GIGYF2: variants seen among roughly 807,000 people sequenced by gnomAD.
The protein encoded by GIGYF2 is GRB10-interacting GYF protein 2.
A neutral mutation model predicts 208.1 loss-of-function variants in GIGYF2; 25 were observed. The ratio of observed to expected loss-of-function variants is 0.12; its 90% confidence interval spans 0.09 to 0.17. GIGYF2 has a LOEUF of 0.17. Ranked by LOEUF, GIGYF2 falls within the 10% of genes least tolerant of loss-of-function variation. The pLI, the probability that GIGYF2 is intolerant of heterozygous loss-of-function variation, is 1.00. For synonymous variants in GIGYF2, 534 were observed against 543.8 expected, an observed-to-expected ratio of 0.98 and a Z score of 0.25; for missense variants, 1,302 against 1,579.4, an observed-to-expected ratio of 0.82 and a Z score of 2.98.
chr2:232,738,019 T>A (rs1008324896), intron 3 of GIGYF2, among the ~76,000 whole-genome samples: 2 of 149,562 alleles, frequency 1.3e-5, no homozygotes, highest in African/African-American at 4.9e-5. Flanking sequence ...AGGGTTCAAG[T>A]GATTCTTCTC....
At chr2:232,762,768 G>A (rs1258814303) in intron 8 of GIGYF2, among the ~76,000 whole-genome samples, 2 of 152,116 alleles carry the variant, frequency 1.3e-5, no homozygotes, top group Admixed American at 6.5e-5. Context: ...TTAAGGCCAG[G>A]TGTGGTAGCT....
At chr2:232,836,323 T>TGA (rs1701621165) in intron 22 of GIGYF2, among the ~76,000 whole-genome samples, 1 of 23,320 alleles carries the variant, frequency 4.3e-5, no homozygotes, top group African/African-American at 1.3e-4. Context: ...TATATATATA[T>TGA]ATATATACAT....
intron 18 of GIGYF2, 112 bp downstream of exon 18, chr2:232,812,603 G>T: frequency 1.5e-6 from 1 of 659,720 alleles, no homozygotes; most frequent in Non-Finnish European, 2.7e-6. Flanking sequence ...TTTTGTATTT[G>T]ATATTAACAA....
rs182845025 is a variant in GIGYF2 at position 232,787,222 on chromosome 2, A to C, written c.605A>C (p.Glu202Ala). The C allele has an allele frequency of 2.5e-6, 4 of 1,614,042 alleles. No individual in the cohort carries two copies. The highest frequency in any genetic ancestry group is 3.4e-6 in the Non-Finnish European group (4 of 1,179,938). Residue 202 changes from glutamate to alanine, a missense_variant, in exon 9 of 29, where the codon GAA (glutamate) becomes GCA (alanine). Coordinates refer to ENST00000373563, the MANE Select transcript of GIGYF2 (RefSeq NM_001103146.3). ...RKHEFIRSES[E>A]NWRIFREEQN... ...CATGAATTTATACGCTCAGAAAGTG[A>C]AAATTGGCGCATCTTTAGAGAGGAA...
rs901709995 is a variant in GIGYF2 at position 232,853,399 on chromosome 2, T to C, written c.3832+2990T>C. ...TCAAGTGATTTCCCCTGCCTCAGCC[T>C]CCCGAGTGCTGGGACTACAGGTGCG... is the stretch of plus-strand genomic sequence containing the variant. On this transcript the variant is annotated intron_variant, in intron 28 of 28. Coordinates refer to ENST00000373563, the MANE Select transcript of GIGYF2 (RefSeq NM_001103146.3). Among the ~76,000 whole-genome samples, 27 of 152,178 alleles carry C rather than the reference T, an allele frequency of 1.8e-4. 1 individual carries two copies. Among genetic ancestry groups the C allele is most frequent in the African/African-American group, 6.0e-4 (25 of 41,442 alleles).
intron 14 of GIGYF2, among the ~76,000 whole-genome samples, chr2:232,804,427 G>A (rs1232632301): frequency 4.1e-5 from 6 of 146,076 alleles, no homozygotes; most frequent in Admixed American, 6.9e-5. Flanking sequence ...TCATTTATTA[G>A]CTCAAGGAGT....
intron 22 of GIGYF2, among the ~76,000 whole-genome samples, chr2:232,837,969 A>G (rs1016063142): frequency 3.9e-5 from 6 of 152,028 alleles, no homozygotes; most frequent in Admixed American, 6.5e-5. Context: ...GGGGGTCCCT[A>G]TTTGCTTTTG....
chr2:232,783,968 G>A (rs1019262228), intron 8 of GIGYF2, among the ~76,000 whole-genome samples: 18 of 152,134 alleles, frequency 1.2e-4, no homozygotes, highest in Non-Finnish European at 4.4e-5. Context: ...GATTACAGGC[G>A]TGAGCCACCA....
At chr2:232,729,999 G>A (rs1697383783) in intron 2 of GIGYF2, 1 of 746,250 alleles carries the variant, frequency 1.3e-6, no homozygotes, top group Admixed American at 1.9e-5. Context: ...TGGAAGGCTG[G>A]CCTTTTCTTT....
chr2:232,768,711 A>G (rs774472122), intron 8 of GIGYF2: 1 of 1,603,732 alleles, frequency 6.2e-7, no homozygotes, highest in Admixed American at 1.7e-5. Flanking sequence ...CACTTGGAAG[A>G]TAAGATTAGG....
chr2:232,734,745 A>T (rs886896854), intron 2 of GIGYF2, among the ~76,000 whole-genome samples: 3 of 152,304 alleles, frequency 2.0e-5, no homozygotes, highest in Middle Eastern at 3.4e-3. Flanking sequence ...ATAATCTTTG[A>T]TGTACCTCAT....
chr2:232,730,218 A>G, intron 2 of GIGYF2: 2 of 1,165,230 alleles, frequency 1.7e-6, no homozygotes, highest in South Asian at 2.6e-5. Context: ...TGTACCTGAG[A>G]GCTGAGGAGC....
chr2:232,754,559 A>G (rs570431342), intron 5 of GIGYF2, among the ~76,000 whole-genome samples: 4 of 152,220 alleles, frequency 2.6e-5, no homozygotes, highest in Middle Eastern at 3.2e-3. Context: ...GTTCAACTGC[A>G]TGGGATCCTA....
At chr2:232,833,184 T>G (rs1295883435) in intron 22 of GIGYF2, 91 bp downstream of exon 22, 2 of 653,168 alleles carry the variant, frequency 3.1e-6, no homozygotes, top group Admixed American at 3.3e-5. Context: ...AAAACTGTTC[T>G]TTCTTTCTTT....
At chr2:232,728,030 C>T (rs1465656297) in intron 2 of GIGYF2, among the ~76,000 whole-genome samples, 1 of 152,106 alleles carries the variant, frequency 6.6e-6, no homozygotes, top group East Asian at 1.9e-4. Flanking sequence ...TTTTCCCTTC[C>T]AGAGGGAGCA....
chr2:232,836,302 A>ACT (rs1559160523), intron 22 of GIGYF2, among the ~76,000 whole-genome samples: 618 of 21,618 alleles, frequency 0.029, 143 homozygotes, highest in African/African-American at 0.081. Flanking sequence ...ATATATATAT[A>ACT]TATATATATA....
At chr2:232,713,934 A>G (rs1456376762) in intron 2 of GIGYF2, among the ~76,000 whole-genome samples, 1 of 148,534 alleles carries the variant, frequency 6.7e-6, no homozygotes, top group Non-Finnish European at 1.5e-5. Flanking sequence ...GCCCTTGAGG[A>G]ACTGATTTTT....
rs185935282 is a variant in GIGYF2, at chr2:232,757,105, T to G, written c.379+771T>G. 9.7e-4 allele frequency among the ~76,000 whole-genome samples: 148 copies of G among 152,320 alleles called. 3 individuals carry two copies. In the East Asian group the frequency reaches 0.021, roughly 21 times the overall value. On this transcript the variant is annotated intron_variant, in intron 6 of 28. Coordinates refer to ENST00000373563, the MANE Select transcript of GIGYF2 (RefSeq NM_001103146.3). ...TGAGTGAGACCATTGTCTCTGCATA[T>G]TGTACCACCAAGATTGGCATGATCA...
At chr2:232,834,175 G>A (rs968971992) in intron 22 of GIGYF2, among the ~76,000 whole-genome samples, 21 of 152,104 alleles carry the variant, frequency 1.4e-4, no homozygotes, top group Non-Finnish European at 2.9e-4. Flanking sequence ...TCTGCAGTGC[G>A]CAGTAAGGTT....
Sources: gnomAD v4.1 joint callset for allele counts (sites outside exome capture counted in the v4.1 genomes callset) on GRCh38, gnomAD v4.1.1 for gene constraint, MANE v1.5 for transcripts, NCBI Gene and HGNC (gene_info 2026-07-23, HGNC 2026-07-21) for gene names.